The following PCNX1 variants were observed in gnomAD, a reference collection of about 807,000 sequenced individuals.
PCNX1 encodes pecanex-like protein 1.
In PCNX1, 78 loss-of-function variants were observed where a neutral mutation model predicts 242.2. That is an observed-to-expected ratio of 0.32 (90% confidence interval 0.27 to 0.39). The LOEUF (loss-of-function observed/expected upper bound fraction) is 0.39. PCNX1 is among the 10% of genes least tolerant of loss of function. The probability of loss-of-function intolerance (pLI) is 1.00; values close to 1 mark genes in which losing one functional copy is unlikely to be tolerated. For synonymous variants in PCNX1, 1,024 were observed against 1,032.9 expected (o/e 0.99, Z 0.17); for missense variants, 2,581 against 2,856.5 (o/e 0.90, Z 2.20).
intron 26 of PCNX1, chr14:71,060,800 GA>G (rs2061307902): frequency 6.6e-6 from 1 of 152,174 alleles, no homozygotes; most frequent in Admixed American, 6.6e-5. Context: ...ACCAGACACA[GA>G]AGCATATTAT....
chr14:71,083,047 T>C (rs1479744967), intron 28 of PCNX1, among the ~76,000 whole-genome samples: 3 of 152,192 alleles, frequency 2.0e-5, no homozygotes, highest in Non-Finnish European at 4.4e-5. Context: ...GGAGGCATGG[T>C]GGTGACAAAA....
chr14:71,003,080 C>CTTTTTT (rs3083307), intron 8 of PCNX1, among the ~76,000 whole-genome samples: 5,869 of 95,146 alleles, frequency 0.062, 609 homozygotes, highest in East Asian at 0.2. Context: ...TGGTTGTCTT[C>CTTTTTT]TTTTTTTTTT....
intron 19 of PCNX1, among the ~76,000 whole-genome samples, chr14:71,043,933 C>T (rs1057031739): frequency 1.4e-4 from 21 of 152,174 alleles, no homozygotes; most frequent in African/African-American, 4.6e-4. Flanking sequence ...GATATCTGCA[C>T]ATCTGATATA....
At chr14:70,949,269 GCACACACGTGTATA>G (rs1215783107) in intron 2 of PCNX1, among the ~76,000 whole-genome samples, 201 of 27,838 alleles carry the variant, frequency 7.2e-3, no homozygotes, top group Non-Finnish European at 0.018. Context: ...ACACGTGTAT[GCACACACGTGTATA>G]CACACACGTG....
At chr14:71,055,602 AT>A (rs1378674085) in intron 25 of PCNX1, 40 bp downstream of exon 25, 2 of 1,230,684 alleles carry the variant, frequency 1.6e-6, no homozygotes, top group Admixed American at 1.8e-5. Context: ...AAGACTAAGG[AT>A]TTGTTTTATA....
At chr14:70,945,255 G>A (rs1442273925) in intron 1 of PCNX1, among the ~76,000 whole-genome samples, 1 of 152,106 alleles carries the variant, frequency 6.6e-6, no homozygotes, top group Non-Finnish European at 1.5e-5. Context: ...TGGGGATGAA[G>A]ACCAAATACA....
chr14:71,059,407 G>A (rs1284146726), intron 26 of PCNX1, among the ~76,000 whole-genome samples: 1 of 151,798 alleles, frequency 6.6e-6, no homozygotes, highest in Non-Finnish European at 1.5e-5. Context: ...TTAAGAGACA[G>A]GGGTCTCGCT....
chr14:71,019,173 C>A lies in PCNX1; in HGVS notation c.3150+11C>A. 6.3e-7 allele frequency: 1 copy of A among 1,588,000 alleles called. No homozygotes were observed. Among genetic ancestry groups the A allele is most frequent in the Non-Finnish European group, 8.6e-7 (1 of 1,168,540 alleles). On this transcript the variant is annotated intron_variant, in intron 12 of 35. Transcript: ENST00000304743. ...TACTCACTGCTTAAGGTACCAGCATCTCTTCTTTTCATGCTACGGAATTAT... is the reference window on the plus strand; with the variant it reads ...TACTCACTGCTTAAGGTACCAGCATATCTTCTTTTCATGCTACGGAATTAT...
chr14:71,033,665 T>G (rs1175237192), intron 17 of PCNX1, 127 bp downstream of exon 17: 2 of 603,346 alleles, frequency 3.3e-6, no homozygotes, highest in Non-Finnish European at 5.8e-6. Flanking sequence ...TATATTAAGT[T>G]TCAAAATATA....
Position 70,908,022 on chromosome 14 carries a change from AGCGGGTGGCTCCT to A in PCNX1, c.153+20_153+32del, listed in dbSNP as rs1468806500. 3 of 1,551,410 alleles carry A rather than the reference AGCGGGTGGCTCCT, an allele frequency of 1.9e-6. No individual in the cohort carries two copies. In the Admixed American group the frequency reaches 5.9e-5, roughly 31 times the overall value. On this transcript the variant is annotated intron_variant, in intron 1 of 35. Transcript: ENST00000304743. ...CTACATGGTGAGTGTGGGGGCGGGG[AGCGGGTGGCTCCT>A]TCCCCGCGAGCCGGTGGGGAGATGC...
At chr14:71,009,224 T>A (rs1411900417) in intron 8 of PCNX1, among the ~76,000 whole-genome samples, 1 of 152,190 alleles carries the variant, frequency 6.6e-6, no homozygotes, top group Non-Finnish European at 1.5e-5. Context: ...GTCACATGAT[T>A]TTGTGGGCTT....
At chr14:70,959,265 C>T (rs1301118262) in intron 2 of PCNX1, among the ~76,000 whole-genome samples, 1 of 149,436 alleles carries the variant, frequency 6.7e-6, no homozygotes, top group Non-Finnish European at 1.5e-5. Flanking sequence ...TTTTAGGGTA[C>T]ATGTGCACAA....
intron 25 of PCNX1, among the ~76,000 whole-genome samples, chr14:71,057,052 C>G (rs1433393336): frequency 1.3e-5 from 2 of 152,118 alleles, no homozygotes; most frequent in Non-Finnish European, 2.9e-5. Flanking sequence ...CTCAATATGG[C>G]TAATATTGAC....
intron 7 of PCNX1, among the ~76,000 whole-genome samples, chr14:70,989,591 G>A (rs1028275903): frequency 2.8e-5 from 4 of 145,072 alleles, no homozygotes; most frequent in Middle Eastern, 3.6e-3. Context: ...GTGCAGTCGC[G>A]TGATCTTGGC....
At chr14:71,048,755 T>C (rs914423194) in intron 22 of PCNX1, among the ~76,000 whole-genome samples, 3 of 151,924 alleles carry the variant, frequency 2.0e-5, no homozygotes, top group African/African-American at 7.3e-5. Context: ...TTGGCTTCAT[T>C]TGGGGAAGAG....
chr14:71,023,284 A>G (rs548002542), intron 13 of PCNX1, 52 bp downstream of exon 13: 4 of 1,351,442 alleles, frequency 3.0e-6, no homozygotes, highest in East Asian at 4.6e-5. Flanking sequence ...CATTTATCAT[A>G]ATATTTGTGG....
intron 30 of PCNX1, among the ~76,000 whole-genome samples, chr14:71,090,011 A>G (rs764422109): frequency 6.6e-6 from 1 of 152,172 alleles, no homozygotes; most frequent in Non-Finnish European, 1.5e-5. Context: ...CATAATACTT[A>G]TTTTGACTTC....
chr14:71,036,238 T>TCTA, intron 19 of PCNX1, 81 bp downstream of exon 19: 1 of 874,170 alleles, frequency 1.1e-6, no homozygotes, highest in Non-Finnish European at 1.9e-6. Context: ...GAGTGCAGTG[T>TCTA]TGCGATCACA....
intron 1 of PCNX1, among the ~76,000 whole-genome samples, chr14:70,926,640 C>G (rs528609613): frequency 3.9e-5 from 6 of 152,142 alleles, no homozygotes; most frequent in African/African-American, 1.2e-4. Flanking sequence ...GATTGTCTGG[C>G]TTTAAGTGTC....
Sources: allele counts gnomAD v4.1 joint callset (sites outside exome capture counted in the v4.1 genomes callset), GRCh38; gene constraint gnomAD v4.1.1; transcripts MANE v1.5; gene names NCBI Gene and HGNC (gene_info 2026-07-23, HGNC 2026-07-21).